KCTD1: variants seen among roughly 807,000 people sequenced by gnomAD.
KCTD1 encodes the protein potassium channel tetramerization domain containing 1.
A neutral mutation model predicts 66.0 loss-of-function variants in KCTD1; 24 were observed. That is an observed-to-expected ratio of 0.36 (90% CI 0.26 to 0.51). The LOEUF is 0.51. KCTD1 is among the 20% of genes least tolerant of loss of function. The probability of loss-of-function intolerance (pLI) is 0.95; values close to 1 mark genes in which losing one functional copy is unlikely to be tolerated. For missense variants in KCTD1, 943 were observed against 1,205.2 expected (o/e 0.78, Z 3.22); for synonymous variants, 511 against 517.2 (o/e 0.99, Z 0.16).
At chr18:26,615,346 T>C (rs1987226861) in intron 1 of KCTD1, among the ~76,000 whole-genome samples, 1 of 152,196 alleles carries the variant, frequency 6.6e-6, no homozygotes, top group Non-Finnish European at 1.5e-5. Flanking sequence ...TCAAAGCTAC[T>C]GGAGAAAAAC....
rs191860846 is a variant in KCTD1, at chr18:26,656,729, C to G, written c.9+631G>C. On this transcript the variant is annotated intron_variant, in intron 1 of 4. Transcript: ENST00000580191. ...GAGAAGGGGGCGGCGGGGCCCCTAC[C>G]CCCGGCAGGAGCGCAGCCCCGGGCG... 9.5e-3 allele frequency among the ~76,000 whole-genome samples: 1,432 copies of G among 151,484 alleles called. 25 individuals carry two copies. The highest frequency in any genetic ancestry group is 0.033 in the African/African-American group (1,369 of 41,416).
At position 26,548,282 on chromosome 18, in the gene KCTD1, C is replaced by T; in HGVS notation, c.255G>A (p.Leu85=). 2 of 1,512,862 alleles carry T rather than the reference C, an allele frequency of 1.3e-6. No individual in the cohort carries two copies. Among genetic ancestry groups the T allele is most frequent in the Non-Finnish European group, 1.8e-6 (2 of 1,134,020 alleles). 93.7% of individuals were successfully genotyped at this position (1,512,862 alleles called of 1,614,324 possible). A position where few individuals can be genotyped will look rare whatever the true frequency, so the allele number is the denominator to read the frequency against. Residue 85 remains leucine, a synonymous_variant, in exon 1 of 5, where the codon CTG becomes CTA. Coordinates refer to ENST00000580059, the MANE Select transcript of KCTD1 (RefSeq NM_001142730.3). ...EEEEEDGGGG[L]EEDEEEEEEE... ...CTTCCTCCTCCTCCTCGTCCTCCTC[C>T]AGCCCCCCACCTCCGTCCTCCTCCT... is the stretch of plus-strand genomic sequence containing the variant.
intron 1 of KCTD1, among the ~76,000 whole-genome samples, chr18:26,527,399 G>C (rs1984215726): frequency 1.3e-5 from 2 of 148,784 alleles, no homozygotes; most frequent in South Asian, 2.1e-4. Context: ...CCAAAACAAA[G>C]CTATTATTAA....
chr18:26,630,777 G>A (rs1213315279), upstream of KCTD1, among the ~76,000 whole-genome samples: 5 of 152,180 alleles, frequency 3.3e-5, no homozygotes, highest in South Asian at 4.1e-4. Flanking sequence ...TTCATGGAAC[G>A]CCATTGTTAT....
rs1986789008 is a variant in KCTD1, at chr18:26,597,305, T to C, written c.-16+31842A>G. 3.3e-5 allele frequency among the ~76,000 whole-genome samples: 5 copies of C among 151,808 alleles called. No homozygotes were observed. The South Asian group carries it at 1.0e-3, about 32-fold the overall frequency. ...GGGCCTGAGCAAGGTGATGATGATG[T>C]GCACATGGGAGGAAGGAACAAACTT... On this transcript the variant is annotated intron_variant, in intron 1 of 4. Transcript: ENST00000317932.
At chr18:26,589,152 G>A (rs369102256) in intron 1 of KCTD1, among the ~76,000 whole-genome samples, 6 of 152,310 alleles carry the variant, frequency 3.9e-5, no homozygotes, top group Admixed American at 3.3e-4. Flanking sequence ...GTGGCTGTGG[G>A]ATAAGACCTG....
chr18:26,455,533 A>T lies in KCTD1; in HGVS notation c.*210T>A. The T allele has an allele frequency of 3.3e-6, 1 of 304,976 alleles. No individual in the cohort carries two copies. The highest frequency in any genetic ancestry group is 5.8e-6 in the Non-Finnish European group (1 of 173,738). 18.9% of individuals were successfully genotyped at this position (304,976 alleles called of 1,614,324 possible). A position where few individuals can be genotyped will look rare whatever the true frequency, so the allele number is the denominator to read the frequency against. ...TTCCTACCTTTTGACATATATATAT[A>T]TATTTATATATTTTTTACACCTTGA... On this transcript the variant is annotated 3_prime_UTR_variant, in exon 5 of 5. Transcript: ENST00000580059.
intron 1 of KCTD1, among the ~76,000 whole-genome samples, chr18:26,538,075 T>C (rs7230520): frequency 0.67 from 101,387 of 151,376 alleles, 34,100 homozygotes; most frequent in East Asian, 0.82. Context: ...GGTGAAACGC[T>C]GTCTCTACTA....
chr18:26,565,482 C>T (rs1325039939), intron 1 of KCTD1, among the ~76,000 whole-genome samples: 3 of 152,174 alleles, frequency 2.0e-5, no homozygotes, highest in African/African-American at 7.2e-5. Flanking sequence ...GATATAAACC[C>T]ATCAAGAATG....
intron 1 of KCTD1, among the ~76,000 whole-genome samples, chr18:26,618,637 C>T (rs892418431): frequency 6.6e-6 from 1 of 152,314 alleles, no homozygotes; most frequent in East Asian, 1.9e-4. Context: ...GTTCTGTACA[C>T]GACTCGATGT....
intron 3 of KCTD1, among the ~76,000 whole-genome samples, chr18:26,472,107 A>G (rs527949148): frequency 6.6e-6 from 1 of 152,222 alleles, no homozygotes; most frequent in African/African-American, 2.4e-5. Context: ...AGAGGAGCAG[A>G]TTTTGTTCTT....
At chr18:26,648,125 T>G (rs776633537) in intron 1 of KCTD1, among the ~76,000 whole-genome samples, 1 of 152,066 alleles carries the variant, frequency 6.6e-6, no homozygotes, top group Non-Finnish European at 1.5e-5. Flanking sequence ...GGATTACAAG[T>G]GTGAGCCACT....
intron 1 of KCTD1, among the ~76,000 whole-genome samples, chr18:26,621,742 T>G (rs1987390885): frequency 6.6e-6 from 1 of 152,226 alleles, no homozygotes. Flanking sequence ...TTTATCTTGT[T>G]AAAAGGCACT....
chr18:26,610,836 A>G (rs1987122702), intron 1 of KCTD1, among the ~76,000 whole-genome samples: 1 of 152,056 alleles, frequency 6.6e-6, no homozygotes. Flanking sequence ...CCTTATTTTT[A>G]TTCTTCTGTA....
rs995306241 is a variant in KCTD1, at chr18:26,603,972, C to T, written c.-16+25175G>A. Reference sequence around the variant, plus strand: ...GAAAGCTATCAACAGAGTAAACAGACAACCTACAGAATGGGAGAAAATATT... The same window carrying T: ...GAAAGCTATCAACAGAGTAAACAGATAACCTACAGAATGGGAGAAAATATT... On this transcript the variant is annotated intron_variant, in intron 1 of 4. Transcript: ENST00000317932. 2.6e-5 allele frequency among the ~76,000 whole-genome samples: 4 copies of T among 152,216 alleles called. No homozygotes were observed. In the South Asian group the frequency reaches 8.3e-4, roughly 32 times the overall value.
chr18:26,623,383 C>G (rs1340197135), intron 1 of KCTD1, among the ~76,000 whole-genome samples: 1 of 152,030 alleles, frequency 6.6e-6, no homozygotes, highest in African/African-American at 2.4e-5. Context: ...ATTGTAGTAC[C>G]CACGATACAC....
intron 1 of KCTD1, among the ~76,000 whole-genome samples, chr18:26,649,398 TCC>T (rs1341887314): frequency 3.3e-5 from 5 of 152,116 alleles, no homozygotes; most frequent in African/African-American, 7.2e-5. Context: ...TTCTTTCTCC[TCC>T]CTGCCCCACA....
rs200199492 is a variant in KCTD1, at chr18:26,535,992, AT to A, written c.1809+10735del. Among the ~76,000 whole-genome samples, 29 of 149,066 alleles carry A rather than the reference AT, an allele frequency of 1.9e-4. 1 individual carries two copies. In the East Asian group the frequency reaches 3.9e-3, roughly 20 times the overall value. On this transcript the variant is annotated intron_variant, in intron 1 of 4. Coordinates refer to ENST00000580059, the MANE Select transcript of KCTD1 (RefSeq NM_001142730.3). ...CCTCCAAAAAAAAAAAAAAAAGAAGATTTTTTTTCCTGTGTCCCCTCAGTCT... is the reference window on the plus strand; with the variant it reads ...CCTCCAAAAAAAAAAAAAAAAGAAGATTTTTTTCCTGTGTCCCCTCAGTCT...
intron 1 of KCTD1, among the ~76,000 whole-genome samples, chr18:26,567,363 G>A (rs12964926): frequency 0.65 from 99,339 of 152,058 alleles, 33,074 homozygotes; most frequent in African/African-American, 0.79. Flanking sequence ...TGCAATTCCA[G>A]CATGCTTTCT....
Sources: gnomAD v4.1 joint callset for allele counts (sites outside exome capture counted in the v4.1 genomes callset) on GRCh38, gnomAD v4.1.1 for gene constraint, MANE v1.5 for transcripts, NCBI Gene and HGNC (gene_info 2026-07-23, HGNC 2026-07-21) for gene names.